ECT2: variants seen among roughly 807,000 people sequenced by gnomAD.
The protein encoded by ECT2 is protein ECT2.
Under a neutral mutation model 116.9 loss-of-function variants are expected in ECT2, and 61 were observed. The ratio of observed to expected loss-of-function variants is 0.52; its 90% CI spans 0.42 to 0.65. ECT2 has a LOEUF of 0.65. Among genes scored for constraint, ECT2 ranks in the 30% least tolerant of loss-of-function variants. ECT2 has a pLI of 0.00. For synonymous variants in ECT2, 358 were observed against 346.4 expected, an observed-to-expected ratio of 1.03 and a Z score of -0.37; for missense variants, 937 against 1,078.7, an observed-to-expected ratio of 0.87 and a Z score of 1.84.
intron 18 of ECT2, among the ~76,000 whole-genome samples, chr3:172,799,132 G>C (rs1431880511): frequency 6.6e-6 from 1 of 152,108 alleles, no homozygotes; most frequent in South Asian, 2.1e-4. Flanking sequence ...GGTTGTTTTT[G>C]AGTTCTTGTT....
Position 172,755,582 on chromosome 3 carries a change from C to A in ECT2, c.303+7C>A, listed in dbSNP as rs956443483. The stretch of plus-strand genomic sequence containing the variant: ...AAAAAGTGTTATTAATATGGTAGGT[C>A]AAAGTAACTCATTGCATGTGGCATG... On this transcript the variant is annotated splice_region_variant and intron_variant, in intron 4 of 24. Transcript: ENST00000392692. 4 of 1,350,014 alleles carry A rather than the reference C, an allele frequency of 3.0e-6. No homozygotes were observed. The highest frequency in any genetic ancestry group is 2.7e-5 in the South Asian group (2 of 73,392). The allele number at this position is 1,350,014 out of a possible 1,614,324, so 83.6% of individuals were successfully genotyped here.
intron 18 of ECT2, among the ~76,000 whole-genome samples, chr3:172,788,458 A>C (rs2108770704): frequency 1.3e-5 from 2 of 152,302 alleles, no homozygotes; most frequent in South Asian, 4.1e-4. Flanking sequence ...CACAATCAAG[A>C]TGAAGAACAT....
At chr3:172,781,176 G>A (rs999974788) in intron 14 of ECT2, among the ~76,000 whole-genome samples, 11 of 152,120 alleles carry the variant, frequency 7.2e-5, no homozygotes, top group African/African-American at 2.7e-4. Flanking sequence ...GGTAACACAA[G>A]TAACATTCTT....
chr3:172,801,654 T>G (rs1446325070), intron 18 of ECT2, among the ~76,000 whole-genome samples: 1 of 152,218 alleles, frequency 6.6e-6, no homozygotes, highest in Admixed American at 6.5e-5. Flanking sequence ...CACATTTGCT[T>G]CTTCTCTTAG....
intron 14 of ECT2, among the ~76,000 whole-genome samples, chr3:172,778,775 T>C (rs1299759637): frequency 2.0e-5 from 3 of 151,918 alleles, no homozygotes; most frequent in African/African-American, 7.3e-5. Context: ...TTTTGTATTT[T>C]TAGTAGAGAC....
chr3:172,824,634 G>A (rs991531355), downstream of ECT2, among the ~76,000 whole-genome samples: 2 of 151,982 alleles, frequency 1.3e-5, no homozygotes, highest in Non-Finnish European at 2.9e-5. Context: ...AGAAAAATTG[G>A]CATATAATAA....
At chr3:172,766,768 T>C (rs1216406839) in intron 12 of ECT2, among the ~76,000 whole-genome samples, 1 of 152,184 alleles carries the variant, frequency 6.6e-6, no homozygotes, top group South Asian at 2.1e-4. Context: ...TTTGGAAAAG[T>C]TGAACCAGCT....
intron 15 of ECT2, among the ~76,000 whole-genome samples, chr3:172,782,871 C>T (rs901982810): frequency 2.7e-5 from 4 of 150,650 alleles, no homozygotes; most frequent in South Asian, 2.1e-4. Flanking sequence ...GGCATGATCT[C>T]GCATTTTTTT....
At chr3:172,829,182 C>T in the ECT2 span, 1 of 457,060 alleles carries the variant, frequency 2.2e-6, no homozygotes, top group South Asian at 2.5e-5. Context: ...TTTTTTCAGT[C>T]TCCCAGCTTT....
intron 23 of ECT2, among the ~76,000 whole-genome samples, chr3:172,816,100 A>G (rs1407952491): frequency 2.6e-5 from 4 of 152,134 alleles, no homozygotes; most frequent in Non-Finnish European, 5.9e-5. Flanking sequence ...TCTTCTCGTG[A>G]TGAAGATAAC....
chr3:172,788,574 G>GC (rs1424945883), intron 18 of ECT2, among the ~76,000 whole-genome samples: 15 of 152,120 alleles, frequency 9.9e-5, no homozygotes, highest in Non-Finnish European at 2.2e-4. Context: ...ATTTAGGAAT[G>GC]CCCCAGATAC....
At position 172,754,394 on chromosome 3, in the gene ECT2, A is replaced by C. The variant is rs986104031; in HGVS notation, c.-22-115A>C. 8.2e-6 allele frequency: 6 copies of C among 727,858 alleles called. No individual in the cohort carries two copies. In the African/African-American group the frequency reaches 1.1e-4, roughly 13 times the overall value. 45.1% of individuals were successfully genotyped at this position (727,858 alleles called of 1,614,324 possible). A position where few individuals can be genotyped will look rare whatever the true frequency, so the allele number is the denominator to read the frequency against. ...GAAGGTCAGTGACTTTCTTTGGTTC[A>C]TTAAAAAAATGGGTAATAATACTTT... On this transcript the variant is annotated intron_variant, in intron 1 of 24. Transcript: ENST00000392692.
At chr3:172,805,931 T>C (rs1249120382) in intron 21 of ECT2, 62 bp downstream of exon 21, 12 of 1,536,124 alleles carry the variant, frequency 7.8e-6, no homozygotes, top group Non-Finnish European at 1.1e-5. Flanking sequence ...GTAGGTTTAA[T>C]TTACTCCATT....
At chr3:172,818,527 T>C in intron 24 of ECT2, 2 of 1,223,972 alleles carry the variant, frequency 1.6e-6, no homozygotes, top group Non-Finnish European at 2.1e-6. Flanking sequence ...TCTTCTCAAT[T>C]GCTTGTTTCT....
rs767708975 is a variant in ECT2 at position 172,764,467 on chromosome 3, T to G, written c.1258T>G (p.Ser420Ala). The change falls in exon 12 of 25, where the codon TCC becomes GCC. Residue 420 changes from serine to alanine, a missense_variant. Transcript: ENST00000392692. ...TTCCATAGGGTCACTCCTAGATATC[T>G]CCAACACACCAGAGTCTAGCATTAA... ...SLSIGSLLDI[S>A]NTPESSINYG... 1.9e-6 allele frequency: 3 copies of G among 1,614,074 alleles called. No homozygotes were observed. The highest frequency in any genetic ancestry group is 2.2e-5 in the South Asian group (2 of 91,084).
At chr3:172,766,003 G>A (rs527954923) in intron 12 of ECT2, among the ~76,000 whole-genome samples, 6 of 152,136 alleles carry the variant, frequency 3.9e-5, no homozygotes, top group African/African-American at 1.4e-4. Context: ...TAGTTCTTAC[G>A]ATAGAAATTA....
chr3:172,784,746 G>T lies in ECT2; in HGVS notation c.1768G>T (p.Val590Phe), dbSNP rs758461325. 16 of 1,613,658 alleles carry T rather than the reference G, an allele frequency of 9.9e-6. No homozygotes were observed. Among genetic ancestry groups the T allele is most frequent in the Non-Finnish European group, 1.3e-5 (15 of 1,179,608 alleles). Residue 590 changes from valine (V) to phenylalanine (F), a missense_variant, in exon 17 of 25, where the codon GTT (valine) becomes TTT (phenylalanine). By Grantham distance (50) the Val-to-Phe change is conservative. Transcript: ENST00000392692. ...AKPECGRQSL[V>F]ELLIRPVQRL... is the part of the protein sequence containing the mutation. ...ACCAGAATGTGGACGGCAGAGCCTT[G>T]TTGAACTTCTTATCCGACCAGTACA...
At chr3:172,793,826 G>C (rs1363682008) in intron 18 of ECT2, among the ~76,000 whole-genome samples, 2 of 152,068 alleles carry the variant, frequency 1.3e-5, no homozygotes, top group Non-Finnish European at 2.9e-5. Context: ...TGGTGGTTTT[G>C]ATTTGCATTT....
intron 18 of ECT2, among the ~76,000 whole-genome samples, chr3:172,788,808 C>G (rs1380057537): frequency 2.0e-5 from 3 of 152,134 alleles, no homozygotes; most frequent in Non-Finnish European, 4.4e-5. Flanking sequence ...GCCTGTAATC[C>G]CAACACTTTG....
Sources: allele counts gnomAD v4.1 joint callset (sites outside exome capture counted in the v4.1 genomes callset), GRCh38; gene constraint gnomAD v4.1.1; transcripts MANE v1.5; gene names NCBI Gene and HGNC (gene_info 2026-07-23, HGNC 2026-07-21).